SDK1: variants seen among roughly 807,000 people sequenced by gnomAD.
The protein encoded by SDK1 is protein sidekick-1.
Under a neutral mutation model 245.5 loss-of-function variants are expected in SDK1, and 157 were observed. The ratio of observed to expected loss-of-function variants is 0.64; its 90% CI spans 0.56 to 0.73. The LOEUF (loss-of-function observed/expected upper bound fraction) is 0.73, where lower values mean the gene tolerates loss of function less well. Ranked by LOEUF, SDK1 falls within the 30% of genes least tolerant of loss-of-function variation. The probability of loss-of-function intolerance (pLI) is 0.00; values close to 1 mark genes in which losing one functional copy is unlikely to be tolerated. For missense variants in SDK1, 3,583 were observed against 3,002.3 expected, an observed-to-expected ratio of 1.19 and a Z score of -4.52; for synonymous variants, 1,647 against 1,278.5, an observed-to-expected ratio of 1.29 and a Z score of -6.15.
At chr7:3,355,354 T>C (rs1780761917) in intron 1 of SDK1, among the ~76,000 whole-genome samples, 2 of 152,204 alleles carry the variant, frequency 1.3e-5, no homozygotes, top group African/African-American at 2.4e-5. Context: ...CTTGCTTTGT[T>C]GCCTGGGGTG....
Position 3,534,535 on chromosome 7 carries a change from C to T in SDK1, c.299-84545C>T, listed in dbSNP as rs531994792. On this transcript the variant is annotated intron_variant, in intron 1 of 44. Coordinates refer to ENST00000404826, the MANE Select transcript of SDK1 (RefSeq NM_152744.4). ...TAGCATTCAAATTTCTCCACATCCT[C>T]CCCAGCACTTGTCTTTTTTTTTGGT... 3.3e-5 allele frequency among the ~76,000 whole-genome samples: 5 copies of T among 152,294 alleles called. No homozygotes were observed. In the South Asian group the frequency reaches 1.0e-3, roughly 32 times the overall value.
In SDK1 at chr7:3,837,345, T is replaced by C. The variant is rs762187833; in HGVS notation, c.847+15762T>C. Among the ~76,000 whole-genome samples, 156 of 152,226 alleles carry C rather than the reference T, an allele frequency of 1.0e-3. 2 individuals carry two copies. Among genetic ancestry groups the C allele is most frequent in the Non-Finnish European group, 3.2e-4 (22 of 68,048 alleles). ...AACAGCTGGGAGAACATTTTCCAGC[T>C]TCTCTTAAAATATGTGGCCATGCTA... On this transcript the variant is annotated intron_variant, in intron 5 of 44. Transcript: ENST00000404826.
At chr7:3,370,427 C>T (rs746099523) in intron 1 of SDK1, among the ~76,000 whole-genome samples, 12 of 152,174 alleles carry the variant, frequency 7.9e-5, no homozygotes, top group Non-Finnish European at 1.6e-4. Flanking sequence ...AAAGTAATTT[C>T]TTCTTTTATA....
At chr7:3,385,374 G>C (rs1190061935) in intron 1 of SDK1, among the ~76,000 whole-genome samples, 1 of 151,802 alleles carries the variant, frequency 6.6e-6, no homozygotes, top group East Asian at 1.9e-4. Context: ...TATATATAGG[G>C]GAAGAAAATT....
intron 1 of SDK1, among the ~76,000 whole-genome samples, chr7:3,348,891 C>G (rs747827347): frequency 6.6e-5 from 10 of 152,154 alleles, no homozygotes; most frequent in African/African-American, 9.7e-5. Flanking sequence ...AAGTTCCAGT[C>G]TTAAGATGCA....
At chr7:3,491,467 G>T (rs1194206803) in intron 1 of SDK1, among the ~76,000 whole-genome samples, 5 of 152,210 alleles carry the variant, frequency 3.3e-5, no homozygotes, top group African/African-American at 1.2e-4. Context: ...TATGGTAGAT[G>T]TTACAGAAAT....
At chr7:3,604,576 C>G (rs1457319941) in intron 1 of SDK1, among the ~76,000 whole-genome samples, 2 of 150,052 alleles carry the variant, frequency 1.3e-5, no homozygotes, top group Admixed American at 6.7e-5. Flanking sequence ...TATTTAATTC[C>G]AGACTTTTTC....
At chr7:3,758,197 G>C (rs1447976151) in intron 4 of SDK1, among the ~76,000 whole-genome samples, 1 of 152,150 alleles carries the variant, frequency 6.6e-6, no homozygotes, top group African/African-American at 2.4e-5. Context: ...TATACTTTGA[G>C]GCAATGCAAA....
At chr7:3,846,570 A>G (rs1430682399) in intron 5 of SDK1, among the ~76,000 whole-genome samples, 1 of 151,728 alleles carries the variant, frequency 6.6e-6, no homozygotes, top group African/African-American at 2.4e-5. Context: ...GCCATCCACC[A>G]CTCTATAAAT....
At chr7:3,510,822 T>C (rs1782554880) in intron 1 of SDK1, among the ~76,000 whole-genome samples, 1 of 152,214 alleles carries the variant, frequency 6.6e-6, no homozygotes, top group Non-Finnish European at 1.5e-5. Flanking sequence ...AGATTCTCTG[T>C]AGATGTAAAT....
intron 33 of SDK1, among the ~76,000 whole-genome samples, chr7:4,174,927 C>A (rs1782098783): frequency 2.0e-5 from 3 of 152,326 alleles, no homozygotes; most frequent in South Asian, 2.1e-4. Flanking sequence ...AGAGGGGGTT[C>A]ATTTCCTGGC....
chr7:3,474,717 G>A (rs1029720591), intron 1 of SDK1, among the ~76,000 whole-genome samples: 1 of 152,038 alleles, frequency 6.6e-6, no homozygotes, highest in Admixed American at 6.5e-5. Context: ...TTGAGACAGG[G>A]TCTTACTCTG....
rs573566909 is a variant in SDK1, at chr7:3,439,068, G to T, written c.298+137184G>T. Among the ~76,000 whole-genome samples, 10 of 151,928 alleles carry T rather than the reference G, an allele frequency of 6.6e-5. 1 individual carries two copies. The South Asian group carries it at 1.9e-3, about 29-fold the overall frequency. ...GGGTTTTACCACGTTGGCCAGGCTG[G>T]TCTCAAACTCCTGACCTCTCGTGAT... On this transcript the variant is annotated intron_variant, in intron 1 of 44. Coordinates refer to ENST00000404826, the MANE Select transcript of SDK1 (RefSeq NM_152744.4).
At chr7:3,306,776 G>T (rs903942414) in intron 1 of SDK1, among the ~76,000 whole-genome samples, 3 of 152,148 alleles carry the variant, frequency 2.0e-5, no homozygotes, top group Non-Finnish European at 2.9e-5. Flanking sequence ...AGGATTTGGC[G>T]TCTAAGGTGG....
At chr7:3,584,799 C>T (rs192668788) in intron 1 of SDK1, among the ~76,000 whole-genome samples, 53 of 151,748 alleles carry the variant, frequency 3.5e-4, no homozygotes, top group African/African-American at 1.2e-3. Flanking sequence ...TCTGGGCTCA[C>T]TTCAAGCTCC....
At chr7:3,303,074 G>T (rs934897981) in intron 1 of SDK1, among the ~76,000 whole-genome samples, 1 of 152,010 alleles carries the variant, frequency 6.6e-6, no homozygotes, top group East Asian at 1.9e-4. Flanking sequence ...CCCCCCTCCA[G>T]CTTTCATAAA....
chr7:4,035,564 A>G (rs1488461294), intron 17 of SDK1, among the ~76,000 whole-genome samples: 2 of 152,220 alleles, frequency 1.3e-5, no homozygotes, highest in African/African-American at 4.8e-5. Context: ...TTGTGGGGCT[A>G]AAGCAACTAA....
At chr7:3,748,277 G>C (rs897293655) in intron 4 of SDK1, among the ~76,000 whole-genome samples, 4 of 152,126 alleles carry the variant, frequency 2.6e-5, no homozygotes, top group Non-Finnish European at 5.9e-5. Flanking sequence ...GCAGGATAGA[G>C]GCTGCTTTTT....
At chr7:3,737,804 C>G (rs1779360079) in intron 4 of SDK1, among the ~76,000 whole-genome samples, 1 of 152,230 alleles carries the variant, frequency 6.6e-6, no homozygotes, top group Non-Finnish European at 1.5e-5. Context: ...ACCTTAGGCT[C>G]TCTTTTTCCC....
Sources: gnomAD v4.1 joint callset for allele counts (sites outside exome capture counted in the v4.1 genomes callset) on GRCh38, gnomAD v4.1.1 for gene constraint, MANE v1.5 for transcripts, NCBI Gene and HGNC (gene_info 2026-07-23, HGNC 2026-07-21) for gene names.